LRRTM4: variants seen among roughly 807,000 people sequenced by gnomAD.
LRRTM4 encodes the protein leucine-rich repeat transmembrane neuronal protein 4.
Under a neutral mutation model 47.6 loss-of-function variants are expected in LRRTM4, and 25 were observed. The observed-to-expected ratio is 0.53, with a 90% CI of 0.38 to 0.73. The LOEUF (loss-of-function observed/expected upper bound fraction) is 0.73, where lower values mean the gene tolerates loss of function less well. LRRTM4 is among the 30% of genes least tolerant of loss of function. LRRTM4 has a pLI of 0.00. For missense variants in LRRTM4, 638 were observed against 713.4 expected (o/e 0.89, Z 1.20); for synonymous variants, 311 against 269.5 (o/e 1.15, Z -1.51).
At chr2:77,249,031 T>C (rs1050497602) in intron 3 of LRRTM4, among the ~76,000 whole-genome samples, 7 of 152,122 alleles carry the variant, frequency 4.6e-5, no homozygotes, top group South Asian at 4.1e-4. Flanking sequence ...CATGATAGAA[T>C]TGATAAACTG....
intron 3 of LRRTM4, among the ~76,000 whole-genome samples, chr2:76,806,011 T>A (rs1257051728): frequency 3.9e-5 from 6 of 152,152 alleles, no homozygotes; most frequent in Non-Finnish European, 8.8e-5. Flanking sequence ...GGACCTGATA[T>A]TGTTGGGGGC....
At chr2:77,324,711 A>G (rs1462344885) in intron 3 of LRRTM4, among the ~76,000 whole-genome samples, 1 of 152,196 alleles carries the variant, frequency 6.6e-6, no homozygotes, top group Non-Finnish European at 1.5e-5. Context: ...TGGCCATCTT[A>G]TAGATTTTGG....
chr2:76,968,340 G>GTGTATATA (rs1313372499), intron 3 of LRRTM4, among the ~76,000 whole-genome samples: 2 of 76,642 alleles, frequency 2.6e-5, no homozygotes, highest in Non-Finnish European at 5.3e-5. Flanking sequence ...GTGTATGTGT[G>GTGTATATA]TATATATATA....
At chr2:77,020,720 C>G (rs1678236625) in intron 3 of LRRTM4, among the ~76,000 whole-genome samples, 2 of 152,156 alleles carry the variant, frequency 1.3e-5, no homozygotes, top group Admixed American at 1.3e-4. Context: ...AGTAGATACT[C>G]TGCTCAAACA....
In LRRTM4 at chr2:76,890,692, C is replaced by G. The variant is rs952632504; in HGVS notation, c.1552-141776G>C. ...AAATAATAGCAGCCAACTAAACTTT[C>G]CAAAAAGTATACATATCAACAAAAA... On this transcript the variant is annotated intron_variant, in intron 3 of 3. Coordinates refer to ENST00000409884, the MANE Select transcript of LRRTM4 (RefSeq NM_001134745.3). 2.0e-5 allele frequency among the ~76,000 whole-genome samples: 3 copies of G among 151,864 alleles called. No individual in the cohort carries two copies. The East Asian group carries it at 5.8e-4, about 29-fold the overall frequency.
intron 3 of LRRTM4, among the ~76,000 whole-genome samples, chr2:77,058,066 A>G (rs1558554682): frequency 6.6e-6 from 1 of 152,230 alleles, no homozygotes; most frequent in East Asian, 1.9e-4. Flanking sequence ...TCTGTTGTCA[A>G]TCCCACCTTA....
At chr2:76,835,057 A>T (rs942588131) in intron 3 of LRRTM4, among the ~76,000 whole-genome samples, 1 of 152,132 alleles carries the variant, frequency 6.6e-6, no homozygotes, top group African/African-American at 2.4e-5. Flanking sequence ...TAGCATCCGA[A>T]CATTTGAAAG....
intron 3 of LRRTM4, among the ~76,000 whole-genome samples, chr2:77,460,108 T>G (rs1451041142): frequency 6.6e-6 from 1 of 152,100 alleles, no homozygotes; most frequent in Non-Finnish European, 1.5e-5. Flanking sequence ...AAAACACATG[T>G]GAAACTGAAA....
At chr2:77,070,599 A>G (rs1213500046) in intron 3 of LRRTM4, among the ~76,000 whole-genome samples, 1 of 151,668 alleles carries the variant, frequency 6.6e-6, no homozygotes, top group African/African-American at 2.4e-5. Flanking sequence ...TTTTTATAAC[A>G]TTAGGTTATA....
intron 3 of LRRTM4, among the ~76,000 whole-genome samples, chr2:77,271,864 C>A (rs950792556): frequency 2.6e-5 from 4 of 152,120 alleles, no homozygotes; most frequent in African/African-American, 9.7e-5. Flanking sequence ...ATGCCTCCAC[C>A]CACCATGTGT....
intron 3 of LRRTM4, among the ~76,000 whole-genome samples, chr2:76,774,982 A>G (rs1673899205): frequency 6.6e-6 from 1 of 152,146 alleles, no homozygotes; most frequent in South Asian, 2.1e-4. Flanking sequence ...AAAAGCACTC[A>G]TCTCCATAAA....
At chr2:77,008,591 T>A (rs772216273) in intron 3 of LRRTM4, among the ~76,000 whole-genome samples, 4 of 152,116 alleles carry the variant, frequency 2.6e-5, no homozygotes, top group Non-Finnish European at 4.4e-5. Context: ...TCAATGCAAT[T>A]CCTGACAGCT....
chr2:76,912,213 C>G (rs543221358), intron 3 of LRRTM4, among the ~76,000 whole-genome samples: 3 of 152,270 alleles, frequency 2.0e-5, no homozygotes, highest in Admixed American at 6.5e-5. Flanking sequence ...GCCACCGCCC[C>G]TGGCCGATAT....
intron 3 of LRRTM4, among the ~76,000 whole-genome samples, chr2:77,072,046 T>C (rs993806090): frequency 6.6e-6 from 1 of 152,200 alleles, no homozygotes. Context: ...TGACTTGTTT[T>C]TGACTAATTT....
chr2:77,496,604 T>G (rs1308311708), intron 3 of LRRTM4, among the ~76,000 whole-genome samples: 1 of 151,808 alleles, frequency 6.6e-6, no homozygotes, highest in Non-Finnish European at 1.5e-5. Flanking sequence ...ATATAATGAG[T>G]TACATTGACT....
At chr2:76,879,929 G>A (rs571829038) in intron 3 of LRRTM4, among the ~76,000 whole-genome samples, 27 of 152,222 alleles carry the variant, frequency 1.8e-4, no homozygotes, top group Non-Finnish European at 2.5e-4. Context: ...TGGAAACAGC[G>A]TAAGAACTAG....
intron 3 of LRRTM4, among the ~76,000 whole-genome samples, chr2:76,864,304 T>A (rs1672402359): frequency 6.6e-6 from 1 of 152,172 alleles, no homozygotes; most frequent in Non-Finnish European, 1.5e-5. Context: ...GAGGTAGAAA[T>A]TTCCACACCT....
At chr2:77,470,031 G>T (rs1044028070) in intron 3 of LRRTM4, among the ~76,000 whole-genome samples, 6 of 152,058 alleles carry the variant, frequency 3.9e-5, no homozygotes, top group Non-Finnish European at 5.9e-5. Flanking sequence ...GGCATGGTTG[G>T]GTCAGAGAGG....
intron 3 of LRRTM4, among the ~76,000 whole-genome samples, chr2:77,474,507 G>C (rs1056927731): frequency 6.6e-6 from 1 of 152,028 alleles, no homozygotes; most frequent in African/African-American, 2.4e-5. Flanking sequence ...CAAGAGTAAG[G>C]TTGGAATAGA....
Sources: gnomAD v4.1 joint callset for allele counts (sites outside exome capture counted in the v4.1 genomes callset) on GRCh38, gnomAD v4.1.1 for gene constraint, MANE v1.5 for transcripts, NCBI Gene and HGNC (gene_info 2026-07-23, HGNC 2026-07-21) for gene names.